The following ITGB3BP variants were observed in gnomAD, a reference collection of about 807,000 sequenced individuals.
ITGB3BP encodes the protein integrin subunit beta 3 binding protein.
In ITGB3BP, 27 loss-of-function variants were observed where a neutral mutation model predicts 29.1. The ratio of observed to expected loss-of-function variants is 0.93; its 90% CI spans 0.68 to 1.28. ITGB3BP has a LOEUF of 1.28. ITGB3BP is among the 50% of genes most tolerant of loss of function. The pLI, the probability that ITGB3BP is intolerant of heterozygous loss-of-function variation, is 0.00. For missense variants in ITGB3BP, 192 were observed against 200.2 expected (o/e 0.96, Z 0.25); for synonymous variants, 61 against 61.4 (o/e 0.99, Z 0.03).
At chr1:63,525,505 G>A, upstream of ITGB3BP, 1 of 1,258,048 alleles carries the variant, frequency 7.9e-7, no homozygotes. Context: ...GTATTTGAAA[G>A]ACATGGTGAC....
intron 3 of ITGB3BP, among the ~76,000 whole-genome samples, chr1:63,489,633 T>C (rs1191436132): frequency 6.6e-6 from 1 of 151,994 alleles, no homozygotes; most frequent in Non-Finnish European, 1.5e-5. Context: ...GAATGAAATA[T>C]AATAAATAAA....
At chr1:63,482,139 G>A (rs1015984635) in intron 3 of ITGB3BP, among the ~76,000 whole-genome samples, 3 of 151,712 alleles carry the variant, frequency 2.0e-5, no homozygotes, top group African/African-American at 7.3e-5. Flanking sequence ...CGCGCCTGGT[G>A]GTGTGTGCCT....
At chr1:63,490,955 G>A (rs1365517568) in intron 2 of ITGB3BP, among the ~76,000 whole-genome samples, 1 of 152,040 alleles carries the variant, frequency 6.6e-6, no homozygotes, top group Non-Finnish European at 1.5e-5. Context: ...CAGTAAATTT[G>A]GCCATCTTGC....
intron 8 of ITGB3BP, among the ~76,000 whole-genome samples, chr1:63,445,409 A>T (rs1318087141): frequency 6.6e-6 from 1 of 152,204 alleles, no homozygotes; most frequent in Non-Finnish European, 1.5e-5. Context: ...ACGTTTTCAT[A>T]AAAAACGGAC....
intron 4 of ITGB3BP, among the ~76,000 whole-genome samples, chr1:63,463,475 T>A (rs1645052034): frequency 6.6e-6 from 1 of 152,184 alleles, no homozygotes; most frequent in Admixed American, 6.5e-5. Context: ...TGTACTACAG[T>A]TTTGTAAGAT....
chr1:63,497,750 G>A (rs1461688147), intron 2 of ITGB3BP, among the ~76,000 whole-genome samples: 2 of 152,270 alleles, frequency 1.3e-5, no homozygotes, highest in African/African-American at 4.8e-5. Context: ...GGTAGGCTGA[G>A]TGTGTACCTG....
intron 4 of ITGB3BP, among the ~76,000 whole-genome samples, chr1:63,463,249 C>CAAAAAAA (rs10693054): frequency 2.6e-5 from 2 of 77,124 alleles, no homozygotes; most frequent in Non-Finnish European, 2.3e-5. Context: ...AACTCTGTCT[C>CAAAAAAA]AAAAAAAAAA....
chr1:63,524,456 T>A (rs1646543203), upstream of ITGB3BP, among the ~76,000 whole-genome samples: 1 of 152,212 alleles, frequency 6.6e-6, no homozygotes, highest in African/African-American at 2.4e-5. Flanking sequence ...AATTATTATC[T>A]TTCTTTCCCA....
intron 3 of ITGB3BP, among the ~76,000 whole-genome samples, chr1:63,480,720 A>G (rs912749942): frequency 6.6e-6 from 1 of 152,122 alleles, no homozygotes; most frequent in Non-Finnish European, 1.5e-5. Context: ...AACTTACAGA[A>G]ATTTTGTTAA....
chr1:63,474,977 G>T (rs889506594), intron 4 of ITGB3BP, among the ~76,000 whole-genome samples: 1 of 152,090 alleles, frequency 6.6e-6, no homozygotes, highest in Non-Finnish European at 1.5e-5. Flanking sequence ...TTTATTGATT[G>T]ATTCACTGAT....
intron 2 of ITGB3BP, among the ~76,000 whole-genome samples, chr1:63,498,021 A>T (rs1298621025): frequency 6.6e-6 from 1 of 152,224 alleles, no homozygotes; most frequent in Non-Finnish European, 1.5e-5. Flanking sequence ...TTATAAACAT[A>T]AACATATCTA....
chr1:63,472,918 G>T (rs1372453704), intron 4 of ITGB3BP, among the ~76,000 whole-genome samples: 7 of 151,992 alleles, frequency 4.6e-5, no homozygotes, highest in African/African-American at 1.7e-4. Context: ...AGTGAGGAGC[G>T]TCTCTGCCTG....
At chr1:63,519,593 A>C (rs1481253859) in intron 1 of ITGB3BP, among the ~76,000 whole-genome samples, 1 of 152,126 alleles carries the variant, frequency 6.6e-6, no homozygotes. Context: ...ATCTTCTTTT[A>C]AAATGCAGGA....
rs577608520 is a variant in ITGB3BP, at chr1:63,459,352, A to T, written c.255-4384T>A. ...CTATTACTAAAAGCTATTATCTGAA[A>T]GTTATTACCTCTAAGAAATTGTACT... On this transcript the variant is annotated intron_variant, in intron 4 of 8. Transcript: ENST00000271002. Among the ~76,000 whole-genome samples, 104 of 152,178 alleles carry T rather than the reference A, an allele frequency of 6.8e-4. 1 individual carries two copies. The highest frequency in any genetic ancestry group is 2.8e-4 in the Non-Finnish European group (19 of 68,016).
chr1:63,519,555 C>A (rs1646404961), intron 1 of ITGB3BP, among the ~76,000 whole-genome samples: 1 of 151,974 alleles, frequency 6.6e-6, no homozygotes, highest in Non-Finnish European at 1.5e-5. Flanking sequence ...TCATATTTTT[C>A]TTATATCAAG....
At chr1:63,506,035 T>C (rs908288105) in intron 2 of ITGB3BP, among the ~76,000 whole-genome samples, 1 of 152,238 alleles carries the variant, frequency 6.6e-6, no homozygotes, top group African/African-American at 2.4e-5. Flanking sequence ...TAGGTCCGCC[T>C]GGTGCAGAAC....
At chr1:63,444,466 G>A (rs1317190911) in intron 8 of ITGB3BP, among the ~76,000 whole-genome samples, 1 of 10,080 alleles carries the variant, frequency 9.9e-5, no homozygotes, top group Non-Finnish European at 1.4e-4. Context: ...ATTACATATA[G>A]GATATATATA....
At chr1:63,479,423 A>G (rs1003283853) in intron 3 of ITGB3BP, among the ~76,000 whole-genome samples, 2 of 152,152 alleles carry the variant, frequency 1.3e-5, no homozygotes, top group Admixed American at 6.5e-5. Context: ...TAACATATCT[A>G]TTACCTTACA....
intron 4 of ITGB3BP, among the ~76,000 whole-genome samples, chr1:63,467,137 C>G (rs1208593494): frequency 6.6e-6 from 1 of 152,152 alleles, no homozygotes; most frequent in African/African-American, 2.4e-5. Context: ...CCCTCCTTGG[C>G]CTCCTAAAGT....
Sources: gnomAD v4.1 joint callset for allele counts (sites outside exome capture counted in the v4.1 genomes callset) on GRCh38, gnomAD v4.1.1 for gene constraint, MANE v1.5 for transcripts, NCBI Gene and HGNC (gene_info 2026-07-23, HGNC 2026-07-21) for gene names.